Variants in EIF4E observed in about 807,000 individuals in gnomAD.
EIF4E encodes eIF-4F 25 kDa subunit.
For synonymous variants in EIF4E, 71 were observed against 88.5 expected (o/e 0.80, Z 1.11); for missense variants, 113 against 265.6 (o/e 0.43, Z 3.99).
At chr4:98,885,368 T>C (rs1021444150) in intron 5 of EIF4E, among the ~76,000 whole-genome samples, 5 of 152,242 alleles carry the variant, frequency 3.3e-5, no homozygotes, top group Admixed American at 2.0e-4. Flanking sequence ...CAAATATTAA[T>C]AGAATAATAA....
chr4:98,915,232 A>G (rs1405573714), intron 1 of EIF4E, among the ~76,000 whole-genome samples: 1 of 151,792 alleles, frequency 6.6e-6, no homozygotes, highest in African/African-American at 2.4e-5. Flanking sequence ...GGTTTCAGGC[A>G]TGAGCTACGC....
chr4:98,899,638 C>T (rs934132629), intron 2 of EIF4E, among the ~76,000 whole-genome samples: 11 of 152,122 alleles, frequency 7.2e-5, no homozygotes, highest in African/African-American at 2.7e-4. Context: ...AAAATCTATA[C>T]AGCCATTAAT....
At chr4:98,883,942 G>A (rs539169616) in intron 6 of EIF4E, among the ~76,000 whole-genome samples, 1 of 151,632 alleles carries the variant, frequency 6.6e-6, no homozygotes, top group South Asian at 2.1e-4. Flanking sequence ...GGGTGGCTGA[G>A]GTAGGAGTAT....
At chr4:98,914,858 C>T (rs140722861) in intron 1 of EIF4E, among the ~76,000 whole-genome samples, 1 of 152,174 alleles carries the variant, frequency 6.6e-6, no homozygotes, top group Non-Finnish European at 1.5e-5. Flanking sequence ...ACTGGGAAAG[C>T]TGTACCTGCA....
chr4:98,903,284 A>G lies in EIF4E; in HGVS notation c.19-1302T>C, dbSNP rs188453042. On this transcript the variant is annotated intron_variant, in intron 1 of 6. Transcript: ENST00000450253. ...CAGAGATCTATGTTAACATAACAAG[A>G]TATGTAAGTCAAATATTTATTGTCT... Among the ~76,000 whole-genome samples the G allele has an allele frequency of 3.7e-3, 571 of 152,270 alleles. 4 individuals are homozygous for G. Among genetic ancestry groups the G allele is most frequent in the Non-Finnish European group, 5.8e-3 (396 of 68,014 alleles).
At chr4:98,896,425 G>A (rs146978608) in intron 2 of EIF4E, among the ~76,000 whole-genome samples, 8 of 136,290 alleles carry the variant, frequency 5.9e-5, no homozygotes, top group East Asian at 4.5e-4. Context: ...AAGGGGAAAG[G>A]ACTGCTTGAG....
At chr4:98,921,712 C>A (rs1725650687) in intron 1 of EIF4E, among the ~76,000 whole-genome samples, 1 of 152,190 alleles carries the variant, frequency 6.6e-6, no homozygotes, top group African/African-American at 2.4e-5. Context: ...CTTTGCCAGA[C>A]TTATCACCAA....
chr4:98,892,337 A>ACC (rs1724180636), intron 2 of EIF4E, among the ~76,000 whole-genome samples: 1 of 130,488 alleles, frequency 7.7e-6, no homozygotes, highest in Non-Finnish European at 1.6e-5. Flanking sequence ...ACAAAAAAAC[A>ACC]AACAAAAAAA....
intron 1 of EIF4E, among the ~76,000 whole-genome samples, chr4:98,916,107 C>T (rs1399956685): frequency 6.6e-6 from 1 of 151,706 alleles, no homozygotes; most frequent in Non-Finnish European, 1.5e-5. Context: ...GGGATAATCA[C>T]TTGAACCTAA....
chr4:98,889,996 TTAAG>T (rs1180099840), intron 3 of EIF4E, among the ~76,000 whole-genome samples: 9 of 152,202 alleles, frequency 5.9e-5, no homozygotes, highest in South Asian at 2.1e-4. Context: ...GTAGTTATTA[TTAAG>T]TGTCAATGCT....
chr4:98,893,180 C>A (rs1724232450), intron 2 of EIF4E, among the ~76,000 whole-genome samples: 1 of 152,184 alleles, frequency 6.6e-6, no homozygotes. Context: ...ATTAAAAATT[C>A]TATTGCTAAA....
chr4:98,920,287 T>C (rs1416163027), intron 1 of EIF4E, among the ~76,000 whole-genome samples: 1 of 152,162 alleles, frequency 6.6e-6, no homozygotes, highest in African/African-American at 2.4e-5. Flanking sequence ...ATGTAATACA[T>C]GTTAAAACAT....
chr4:98,917,492 T>C (rs1348993049), intron 1 of EIF4E, among the ~76,000 whole-genome samples: 1 of 152,094 alleles, frequency 6.6e-6, no homozygotes, highest in Admixed American at 6.5e-5. Context: ...AACCAAAAAC[T>C]GTGTTCAGAT....
chr4:98,880,835 CAAAAAA>C lies in EIF4E; in HGVS notation c.*187_*192del. The C allele has an allele frequency of 6.2e-6, 5 of 806,710 alleles. No homozygotes were observed. The highest frequency in any genetic ancestry group is 6.4e-6 in the Non-Finnish European group (4 of 620,460). 50.0% of individuals were successfully genotyped at this position (806,710 alleles called of 1,614,324 possible). Reference sequence around the variant, plus strand: ...TGATTGGGATAGTGGAAACTCTAGCCAAAAAAAAAAAAAAAAATGAACACAGAAGTA... The same window carrying C: ...TGATTGGGATAGTGGAAACTCTAGCCAAAAAAAAAAATGAACACAGAAGTA... On this transcript the variant is annotated 3_prime_UTR_variant, in exon 7 of 7. Coordinates refer to ENST00000450253, the MANE Select transcript of EIF4E (RefSeq NM_001968.5).
intron 1 of EIF4E, among the ~76,000 whole-genome samples, chr4:98,910,260 T>C (rs538527316): frequency 5.3e-5 from 8 of 152,242 alleles, no homozygotes; most frequent in African/African-American, 1.7e-4. Context: ...AAAAAACACA[T>C]GGAGATTTAG....
chr4:98,928,669 G>A (rs1324138347), intron 1 of EIF4E, among the ~76,000 whole-genome samples: 1 of 151,982 alleles, frequency 6.6e-6, no homozygotes, highest in Non-Finnish European at 1.5e-5. Flanking sequence ...GGCTGCTCCA[G>A]GGCTCCCTCC....
intron 1 of EIF4E, chr4:98,909,590 C>T: frequency 1.5e-6 from 1 of 680,618 alleles, no homozygotes; most frequent in Admixed American, 2.4e-5. Flanking sequence ...TATTCCTCAG[C>T]TTCTTCCAAG....
Position 98,887,226 on chromosome 4 carries a change from A to G in EIF4E, c.286-34T>C. 1 of 1,594,340 alleles carries G rather than the reference A, an allele frequency of 6.3e-7. No homozygotes were observed. Among genetic ancestry groups the G allele is most frequent in the Non-Finnish European group, 8.6e-7 (1 of 1,162,136 alleles). On this transcript the variant is annotated intron_variant, in intron 4 of 6. Transcript: ENST00000450253. This position sits in a 1 kb window ranked among gnomAD's most constrained non-coding sequence, Gnocchi z 4.0. ...TTAGAAGACAACAGTATTACACAACATTGTTACCTTGACTTTGAGAGATAA... is the reference window on the plus strand; with the variant it reads ...TTAGAAGACAACAGTATTACACAACGTTGTTACCTTGACTTTGAGAGATAA...
At chr4:98,911,267 C>T (rs1434275531) in intron 1 of EIF4E, among the ~76,000 whole-genome samples, 1 of 151,100 alleles carries the variant, frequency 6.6e-6, no homozygotes, top group Non-Finnish European at 1.5e-5. Flanking sequence ...CCAGACTGGT[C>T]TTGAACTCCT....
Sources: gnomAD v4.1 joint callset for allele counts (sites outside exome capture counted in the v4.1 genomes callset) on GRCh38, gnomAD v4.1.1 for gene constraint, Gnocchi (gnomAD v3.1) non-coding constraint, MANE v1.5 for transcripts, NCBI Gene and HGNC (gene_info 2026-07-23, HGNC 2026-07-21) for gene names.